ANK3: variants seen among roughly 807,000 people sequenced by gnomAD.
The protein encoded by ANK3 is ankyrin-3.
A neutral mutation model predicts 370.9 loss-of-function variants in ANK3; 57 were observed. The ratio of observed to expected loss-of-function variants is 0.15; its 90% CI spans 0.12 to 0.19. The LOEUF is 0.19. Ranked by LOEUF, ANK3 falls within the 10% of genes least tolerant of loss-of-function variation. The pLI, the probability that ANK3 is intolerant of heterozygous loss-of-function variation, is 1.00. For missense variants in ANK3, 4,439 were observed against 5,302.1 expected (o/e 0.84, Z 5.06); for synonymous variants, 1,929 against 1,946.3 (o/e 0.99, Z 0.23).
At position 60,044,031 on chromosome 10, in the gene ANK3, G is replaced by A. The variant is rs528697860; in HGVS notation, c.13066-1272C>T. 4.4e-5 allele frequency: 43 copies of A among 985,792 alleles called. No individual in the cohort carries two copies. The African/African-American group carries it at 7.3e-4, about 17-fold the overall frequency. 61.1% of individuals were successfully genotyped at this position (985,792 alleles called of 1,614,324 possible). A position where few individuals can be genotyped will look rare whatever the true frequency, so the allele number is the denominator to read the frequency against. ...CAGCAATTTCTAGGGAGTGCACAAA[G>A]CTTTTGTCCTCTACATTCTCTTTGG... On this transcript the variant is annotated intron_variant, in intron 42 of 43. Transcript: ENST00000280772.
chr10:60,542,651 C>T (rs1003304770), intron 2 of ANK3, among the ~76,000 whole-genome samples: 6 of 151,664 alleles, frequency 4.0e-5, no homozygotes, highest in Non-Finnish European at 8.8e-5. Context: ...TTCATTCTGC[C>T]CTTGATTAGT....
chr10:60,693,769 C>T (rs1406626057), intron 1 of ANK3, among the ~76,000 whole-genome samples: 2 of 152,086 alleles, frequency 1.3e-5, no homozygotes, highest in Admixed American at 1.3e-4. Context: ...TCATCAAAGA[C>T]CAAAAGTAGA....
chr10:60,428,787 C>A (rs1471366143), intron 2 of ANK3, among the ~76,000 whole-genome samples: 1 of 152,112 alleles, frequency 6.6e-6, no homozygotes, highest in Admixed American at 6.5e-5. Context: ...CTCTTGGGGA[C>A]CACATCTACT....
chr10:60,317,821 C>T (rs1445339707), intron 1 of ANK3, among the ~76,000 whole-genome samples: 4 of 148,864 alleles, frequency 2.7e-5, no homozygotes, highest in African/African-American at 5.0e-5. Flanking sequence ...TCATGCTATT[C>T]TCCTGCCTCA....
In ANK3 at chr10:60,385,795, A is replaced by G. The variant is rs1427126204; in HGVS notation, c.114+3630T>C. Among the ~76,000 whole-genome samples, 6 of 152,160 alleles carry G rather than the reference A, an allele frequency of 3.9e-5. No homozygotes were observed. In the East Asian group the frequency reaches 1.2e-3, roughly 29 times the overall value. On this transcript the variant is annotated intron_variant, in intron 1 of 43. Coordinates refer to ENST00000280772, the MANE Select transcript of ANK3 (RefSeq NM_020987.5). ...TGTTTCCTTTTTTAATATAAATTTC[A>G]TTAGGTCACCTCAAATTTTTTGACA... is the stretch of plus-strand genomic sequence containing the variant.
chr10:60,407,143 A>G (rs2063472418), intron 2 of ANK3, among the ~76,000 whole-genome samples: 2 of 152,206 alleles, frequency 1.3e-5, no homozygotes, highest in South Asian at 4.1e-4. Context: ...ACTAAACTAG[A>G]GCAAACAAAT....
chr10:60,575,568 A>C (rs1466564671), intron 2 of ANK3, among the ~76,000 whole-genome samples: 1 of 152,194 alleles, frequency 6.6e-6, no homozygotes, highest in Non-Finnish European at 1.5e-5. Context: ...TAATTTAATA[A>C]TAAAACTATG....
chr10:60,144,280 G>A, intron 23 of ANK3: 1 of 391,080 alleles, frequency 2.6e-6, no homozygotes, highest in South Asian at 1.9e-5. Context: ...GTCACACTCT[G>A]GTTGCCTAAT....
In ANK3 at chr10:60,648,767, TAAA is replaced by T. The variant is rs796546062; in HGVS notation, c.58-33546_58-33544del. 2.6e-3 allele frequency among the ~76,000 whole-genome samples: 295 copies of T among 112,250 alleles called. 1 individual carries two copies. Among genetic ancestry groups the T allele is most frequent in the African/African-American group, 9.1e-3 (269 of 29,400 alleles). 73.6% of individuals were successfully genotyped at this position (112,250 alleles called of 152,430 possible). A position where few individuals can be genotyped will look rare whatever the true frequency, so the allele number is the denominator to read the frequency against. The stretch of plus-strand genomic sequence containing the variant: ...CCTGGGTGACAGAATAAGACTGTCT[TAAA>T]AAAAAAAAAAAAAAATTCTTGCTGG... On this transcript the variant is annotated intron_variant, in intron 1 of 43. Transcript: ENST00000373827.
intron 8 of ANK3, 82 bp downstream of exon 8, chr10:60,234,606 T>C: frequency 2.6e-6 from 2 of 770,102 alleles, no homozygotes; most frequent in Non-Finnish European, 4.6e-6. Flanking sequence ...AAAGCTCATG[T>C]TGTATCAGTG....
intron 7 of ANK3, among the ~76,000 whole-genome samples, chr10:60,261,009 T>C (rs150023576): frequency 0.02 from 2,999 of 152,316 alleles, 82 homozygotes; most frequent in Admixed American, 0.072. Flanking sequence ...GATTTACATA[T>C]GCTATCTCTT....
intron 1 of ANK3, among the ~76,000 whole-genome samples, chr10:60,385,297 C>G (rs1035005823): frequency 6.6e-6 from 1 of 151,802 alleles, no homozygotes; most frequent in Non-Finnish European, 1.5e-5. Context: ...TGTTCTTCTG[C>G]TTGACTATCT....
At chr10:60,230,080 G>T (rs1260584689) in intron 8 of ANK3, among the ~76,000 whole-genome samples, 2 of 152,166 alleles carry the variant, frequency 1.3e-5, no homozygotes, top group African/African-American at 4.8e-5. Context: ...AAGTATAGCT[G>T]CTTTTATTAT....
At chr10:60,444,024 T>A (rs905281641) in intron 2 of ANK3, among the ~76,000 whole-genome samples, 2 of 152,082 alleles carry the variant, frequency 1.3e-5, no homozygotes, top group Non-Finnish European at 2.9e-5. Flanking sequence ...CTTATGCAGA[T>A]TTTTTTAGGA....
chr10:60,612,352 G>A (rs939899813), intron 2 of ANK3, among the ~76,000 whole-genome samples: 8 of 152,100 alleles, frequency 5.3e-5, no homozygotes, highest in African/African-American at 1.9e-4. Flanking sequence ...ATACCAGATG[G>A]GTTAAAGGCC....
rs755578714 is a variant in ANK3, at chr10:60,531,243, C to T, written c.96+83943G>A. On this transcript the variant is annotated intron_variant, in intron 2 of 43. Coordinates refer to the ANK3 transcript ENST00000373827. ...TCATGCAATGAGTACCACACAACCA[C>T]GCACAAAGAACCAGGGAGCCTTCTA... 1.9e-4 allele frequency among the ~76,000 whole-genome samples: 29 copies of T among 152,002 alleles called. No homozygotes were observed. The East Asian group carries it at 2.5e-3, about 13-fold the overall frequency.
intron 1 of ANK3, among the ~76,000 whole-genome samples, chr10:60,616,609 A>G (rs991360171): frequency 6.6e-6 from 1 of 151,968 alleles, no homozygotes; most frequent in African/African-American, 2.4e-5. Context: ...AGTATTTATG[A>G]TATACATTTT....
rs1259401370 is a variant in ANK3, at chr10:60,213,460, C to A, written c.948G>T (p.Val316=). Residue 316 remains valine (V), a synonymous_variant, in exon 9 of 44, where the codon GTG becomes GTT. Transcript: ENST00000280772. ...HCGARSGHEQ[V]VEMLLDRAAP... ...CAGCTCGATCAAGCAACATTTCTAC[C>A]ACCTGCTCGTGGCCACTCCTTGCTC... 9 of 1,612,634 alleles carry A rather than the reference C, an allele frequency of 5.6e-6. No individual in the cohort carries two copies. Among genetic ancestry groups the A allele is most frequent in the Non-Finnish European group, 7.6e-6 (9 of 1,179,240 alleles).
rs771825543 is a variant in ANK3 at position 60,070,126 on chromosome 10, G to C, written c.10755C>G (p.Ala3585=). ...GGGTACTTTCATCAGTTGGCGTTCT[G>C]GCTGGCGTTGTATCAGGGGTTGTTG... The part of the protein sequence containing the change: ...SPATTPDTTP[A]RTPTDESTPT... The change falls in exon 37 of 44, where the codon GCC becomes GCG. Residue 3585 remains alanine (A), a synonymous_variant. Coordinates refer to ENST00000280772, the MANE Select transcript of ANK3 (RefSeq NM_020987.5). This position sits in a 1 kb window ranked among gnomAD's most constrained non-coding sequence, Gnocchi z 5.7. 1.2e-6 allele frequency: 2 copies of C among 1,614,148 alleles called. No homozygotes were observed. The highest frequency in any genetic ancestry group is 1.7e-6 in the Non-Finnish European group (2 of 1,179,992).
Sources: gnomAD v4.1 joint callset for allele counts (sites outside exome capture counted in the v4.1 genomes callset) on GRCh38, gnomAD v4.1.1 for gene constraint, Gnocchi (gnomAD v3.1) non-coding constraint, MANE v1.5 for transcripts, NCBI Gene and HGNC (gene_info 2026-07-23, HGNC 2026-07-21) for gene names.